The following RASGRP1 variants were observed in gnomAD, a reference collection of about 807,000 sequenced individuals.
RASGRP1 encodes the protein RAS guanyl-releasing protein 1.
In RASGRP1, 37 loss-of-function variants were observed where a neutral mutation model predicts 95.1. The ratio of observed to expected loss-of-function variants is 0.39; its 90% CI spans 0.30 to 0.51. The LOEUF (loss-of-function observed/expected upper bound fraction) is 0.51, where lower values mean the gene tolerates loss of function less well. Among genes scored for constraint, RASGRP1 ranks in the 20% least tolerant of loss-of-function variants. RASGRP1 has a pLI of 0.80. For missense variants in RASGRP1, 711 were observed against 965.4 expected, an observed-to-expected ratio of 0.74 and a Z score of 3.49; for synonymous variants, 325 against 353.4, an observed-to-expected ratio of 0.92 and a Z score of 0.90.
chr15:38,507,484 G>C (rs1423156797), intron 9 of RASGRP1, among the ~76,000 whole-genome samples: 1 of 152,100 alleles, frequency 6.6e-6, no homozygotes, highest in East Asian at 1.9e-4. Flanking sequence ...AAGTCTGAAG[G>C]GCACAGTCTC....
chr15:38,532,609 T>C (rs1422519710), intron 2 of RASGRP1, among the ~76,000 whole-genome samples: 2 of 152,166 alleles, frequency 1.3e-5, no homozygotes, highest in Non-Finnish European at 2.9e-5. Context: ...CATTATTCCC[T>C]CCTAAAACCA....
In RASGRP1 at chr15:38,501,267, T is replaced by C; in HGVS notation, c.1559A>G (p.Asp520Gly). Reference protein sequence around the residue: ...DKDREGLISRDEITAYFMRAS... With the variant: ...DKDREGLISRGEITAYFMRAS... ...TCTCATGAAGTAGGCTGTGATCTCA[T>C]CCCTGCTGATGAGGCCTTCCCTGCC... The change falls in exon 13 of 17, where the codon GAT becomes GGT. Residue 520 changes from aspartate to glycine, a missense_variant. By Grantham distance (94) the Asp-to-Gly change is moderately conservative (BLOSUM62 -1). Around this residue, in one of 3 missense-constraint regions of RASGRP1, gnomAD observed 491 missense variants for 676.6 expected, o/e 0.73. Coordinates refer to ENST00000310803, the MANE Select transcript of RASGRP1 (RefSeq NM_005739.4). 6.2e-7 allele frequency: 1 copy of C among 1,613,050 alleles called. No individual in the cohort carries two copies. The highest frequency in any genetic ancestry group is 1.1e-5 in the South Asian group (1 of 90,958).
intron 3 of RASGRP1, among the ~76,000 whole-genome samples, chr15:38,523,123 C>G (rs139150560): frequency 6.6e-6 from 1 of 152,248 alleles, no homozygotes; most frequent in Non-Finnish European, 1.5e-5. Context: ...GTCAAGAGTG[C>G]TTCTGATGTT....
chr15:38,532,447 G>GA (rs1892479185), intron 2 of RASGRP1, among the ~76,000 whole-genome samples: 1 of 152,180 alleles, frequency 6.6e-6, no homozygotes, highest in South Asian at 2.1e-4. Context: ...CAAGAAAACA[G>GA]AAAAACTAAG....
At chr15:38,527,786 T>G (rs1270213564) in intron 2 of RASGRP1, among the ~76,000 whole-genome samples, 1 of 152,028 alleles carries the variant, frequency 6.6e-6, no homozygotes, top group South Asian at 2.1e-4. Flanking sequence ...CGATCTAAAG[T>G]CATATCTCAT....
In RASGRP1 at chr15:38,526,391, G is replaced by T. The variant is rs925433591; in HGVS notation, c.234C>A (p.Asn78Lys). ...SCIQSFDADG[N>K]LCRSNQLLQV... ...GCAACAGTTGGTTACTTCGACACAGGTTTCCATCTGCATCTGAAAATATAA... is the reference window on the plus strand; with the variant it reads ...GCAACAGTTGGTTACTTCGACACAGTTTTCCATCTGCATCTGAAAATATAA... The change falls in exon 3 of 17, where the codon AAC (asparagine) becomes AAA (lysine). Residue 78 changes from asparagine to lysine, a missense_variant. Transcript: ENST00000310803. The T allele has an allele frequency of 2.5e-6, 4 of 1,612,800 alleles. No homozygotes were observed. The highest frequency in any genetic ancestry group is 1.7e-5 in the Admixed American group (1 of 59,912).
intron 8 of RASGRP1, among the ~76,000 whole-genome samples, chr15:38,509,897 ACGAAGTACCATT>A (rs1255479628): frequency 6.6e-6 from 1 of 152,158 alleles, no homozygotes; most frequent in African/African-American, 2.4e-5. Context: ...ATTGTGGCCT[ACGAAGTACCATT>A]TCTCCACAAT....
In RASGRP1 at chr15:38,488,673, G is replaced by C. The variant is rs1296618484; in HGVS notation, c.*1881C>G. On this transcript the variant is annotated 3_prime_UTR_variant, in exon 17 of 17. Transcript: ENST00000310803. Reference sequence around the variant, plus strand: ...GGATCTTTACTTCGAATGGAGAGGAGGAAGAATGAAAAAAATTGTGTTCCA... The same window carrying C: ...GGATCTTTACTTCGAATGGAGAGGACGAAGAATGAAAAAAATTGTGTTCCA... The C allele has an allele frequency of 6.6e-6, 1 of 151,772 alleles. No homozygotes were observed. Among genetic ancestry groups the C allele is most frequent in the African/African-American group, 2.4e-5 (1 of 41,364 alleles). The allele number at this position is 151,772 out of a possible 1,614,324, so 9.4% of individuals were successfully genotyped here.
chr15:38,560,032 G>T, intron 1 of RASGRP1, 27 bp from the exon 2 acceptor site: 1 of 1,571,790 alleles, frequency 6.4e-7, no homozygotes, highest in Non-Finnish European at 8.7e-7. Flanking sequence ...GGCAGTGAGG[G>T]GACAAACGGG....
At position 38,542,869 on chromosome 15, in the gene RASGRP1, A is replaced by G. The variant is rs1448921224; in HGVS notation, c.221-16465T>C. On this transcript the variant is annotated intron_variant, in intron 2 of 16. Transcript: ENST00000310803. Reference sequence around the variant, plus strand: ...TATATGTGTATATATATACACATATATGTGTATATATATACACATATATGT... The same window carrying G: ...TATATGTGTATATATATACACATATGTGTGTATATATATACACATATATGT... 2.1e-4 allele frequency among the ~76,000 whole-genome samples: 30 copies of G among 140,424 alleles called. No individual in the cohort carries two copies. The South Asian group carries it at 5.9e-3, about 28-fold the overall frequency. The allele number at this position is 140,424 out of a possible 152,430, so 92.1% of individuals were successfully genotyped here. A position where few individuals can be genotyped will look rare whatever the true frequency, so the allele number is the denominator to read the frequency against.
chr15:38,491,001 G>C (rs1890554817), intron 16 of RASGRP1, among the ~76,000 whole-genome samples: 1 of 152,120 alleles, frequency 6.6e-6, no homozygotes, highest in South Asian at 2.1e-4. Flanking sequence ...ATCTCAACTT[G>C]GCAGAAACAG....
chr15:38,508,267 T>A (rs1891345843), intron 8 of RASGRP1, among the ~76,000 whole-genome samples: 1 of 152,238 alleles, frequency 6.6e-6, no homozygotes, highest in Non-Finnish European at 1.5e-5. Flanking sequence ...TTTTATCATT[T>A]TTATGTTAAA....
At chr15:38,508,103 AT>A in intron 8 of RASGRP1, 102 bp from the exon 9 acceptor site, 1 of 1,349,780 alleles carries the variant, frequency 7.4e-7, no homozygotes, top group South Asian at 1.5e-5. Context: ...ATCTCACCCC[AT>A]CCAGAATTTG....
chr15:38,500,518 G>A (rs1890972297), intron 13 of RASGRP1, among the ~76,000 whole-genome samples: 1 of 151,998 alleles, frequency 6.6e-6, no homozygotes, highest in Non-Finnish European at 1.5e-5. Flanking sequence ...AAATTTTTTT[G>A]TATTTTTAGT....
Position 38,505,829 on chromosome 15 carries a change from G to C in RASGRP1, c.1323+11C>G, listed in dbSNP as rs542092623. Reference sequence around the variant, plus strand: ...CCTGTTACATGTGGAGTCTTAATATGAAAAACTCACTGGAGCTCTGTGGTT... The same window carrying C: ...CCTGTTACATGTGGAGTCTTAATATCAAAAACTCACTGGAGCTCTGTGGTT... On this transcript the variant is annotated intron_variant, in intron 10 of 16. Transcript: ENST00000310803. The C allele has an allele frequency of 6.9e-6, 11 of 1,589,180 alleles. No homozygotes were observed. Among genetic ancestry groups the C allele is most frequent in the African/African-American group, 2.7e-5 (2 of 74,392 alleles).
At chr15:38,563,899 C>G (rs1208052323) in intron 1 of RASGRP1, among the ~76,000 whole-genome samples, 1 of 152,200 alleles carries the variant, frequency 6.6e-6, no homozygotes, top group Non-Finnish European at 1.5e-5. Flanking sequence ...ACGCCGAGGC[C>G]AGGCCTTTGT....
chr15:38,512,118 C>CA (rs1847545707), intron 7 of RASGRP1, among the ~76,000 whole-genome samples: 1 of 152,180 alleles, frequency 6.6e-6, no homozygotes, highest in Non-Finnish European at 1.5e-5. Context: ...GATCCAAAGT[C>CA]AGAGCTGTTG....
rs1890466269 is a variant in RASGRP1 at position 38,489,048 on chromosome 15, C to T, written c.*1506G>A. The T allele has an allele frequency of 6.6e-6, 1 of 151,968 alleles. No individual in the cohort carries two copies. Among genetic ancestry groups the T allele is most frequent in the Non-Finnish European group, 1.5e-5 (1 of 67,876 alleles). 9.4% of individuals were successfully genotyped at this position (151,968 alleles called of 1,614,324 possible). ...TCATCAAAGAGAATTCCTAAATGAT[C>T]TGAATCCTCCAGGTAAGCAATACTG... On this transcript the variant is annotated 3_prime_UTR_variant, in exon 17 of 17. Transcript: ENST00000310803.
At chr15:38,521,962 C>T (rs1193588964) in intron 3 of RASGRP1, among the ~76,000 whole-genome samples, 1 of 152,116 alleles carries the variant, frequency 6.6e-6, no homozygotes, top group Non-Finnish European at 1.5e-5. Flanking sequence ...TTCATACTCT[C>T]AGAATCCCTT....
Sources: allele counts gnomAD v4.1 joint callset (sites outside exome capture counted in the v4.1 genomes callset), GRCh38; gene constraint gnomAD v4.1.1; regional missense constraint gnomAD v4.1.1; transcripts MANE v1.5; gene names NCBI Gene and HGNC (gene_info 2026-07-23, HGNC 2026-07-21).